SLC1A7: variants seen among roughly 807,000 people sequenced by gnomAD.
SLC1A7 encodes solute carrier family 1 member 7.
Under a neutral mutation model 47.7 loss-of-function variants are expected in SLC1A7, and 40 were observed. The ratio of observed to expected loss-of-function variants is 0.84; its 90% CI spans 0.65 to 1.09. The LOEUF is 1.09. Among genes scored for constraint, SLC1A7 ranks in the 50% least tolerant of loss-of-function variants. The pLI, the probability that SLC1A7 is intolerant of heterozygous loss-of-function variation, is 0.00. For synonymous variants in SLC1A7, 323 were observed against 325.6 expected, an observed-to-expected ratio of 0.99 and a Z score of 0.09; for missense variants, 746 against 769.5, an observed-to-expected ratio of 0.97 and a Z score of 0.36.
intron 2 of SLC1A7, among the ~76,000 whole-genome samples, chr1:53,122,732 AC>A (rs1442229222): frequency 6.6e-6 from 1 of 152,064 alleles, no homozygotes; most frequent in Non-Finnish European, 1.5e-5. Context: ...ATCTCAGAGG[AC>A]AGAGCACTCA....
In SLC1A7 at chr1:53,090,419, G is replaced by A. The variant is rs909469940; in HGVS notation, c.1226+193C>T. On this transcript the variant is annotated intron_variant, in intron 8 of 10. Coordinates refer to ENST00000371494, the MANE Select transcript of SLC1A7 (RefSeq NM_006671.6). ...TGAGTCCTGTCCCTGGCCTCCGCTC[G>A]CCCTGTGGCCACCAGCAATGCCCTC... 122 of 885,562 alleles carry A rather than the reference G, an allele frequency of 1.4e-4. No individual in the cohort carries two copies. The South Asian group carries it at 1.5e-3, about 11-fold the overall frequency. 54.9% of individuals were successfully genotyped at this position (885,562 alleles called of 1,614,324 possible). A position where few individuals can be genotyped will look rare whatever the true frequency, so the allele number is the denominator to read the frequency against.
intron 3 of SLC1A7, among the ~76,000 whole-genome samples, chr1:53,106,621 G>A (rs1644645592): frequency 6.7e-6 from 1 of 149,438 alleles, no homozygotes. Flanking sequence ...AAAAGTAACT[G>A]TCAAACTGTG....
chr1:53,088,300 G>T, intron 10 of SLC1A7, 73 bp from the exon 11 acceptor site: 3 of 1,271,710 alleles, frequency 2.4e-6, no homozygotes, highest in Non-Finnish European at 3.3e-6. Flanking sequence ...CTGAGGGCCA[G>T]TGGGGCAGAA....
chr1:53,132,831 G>T (rs1342120267), intron 2 of SLC1A7, among the ~76,000 whole-genome samples: 1 of 152,182 alleles, frequency 6.6e-6, no homozygotes, highest in Non-Finnish European at 1.5e-5. Context: ...GGGCGACAGG[G>T]CAAGATCCTA....
At chr1:53,135,580 T>C (rs150791130) in intron 1 of SLC1A7, among the ~76,000 whole-genome samples, 4 of 152,104 alleles carry the variant, frequency 2.6e-5, no homozygotes, top group Admixed American at 2.6e-4. Flanking sequence ...ATAAGCTGTC[T>C]CGCAAGTAAC....
intron 3 of SLC1A7, among the ~76,000 whole-genome samples, chr1:53,113,416 A>T (rs372094967): frequency 4.0e-5 from 6 of 151,814 alleles, no homozygotes; most frequent in African/African-American, 1.5e-4. Flanking sequence ...GTTGACACCT[A>T]CCCCAGGATG....
chr1:53,093,305 G>A (rs1046884281), intron 6 of SLC1A7, among the ~76,000 whole-genome samples, 156 bp downstream of exon 6: 1 of 152,084 alleles, frequency 6.6e-6, no homozygotes, highest in Non-Finnish European at 1.5e-5. Flanking sequence ...GGGGCTGGGG[G>A]ACCCATGGAA....
At chr1:53,090,923 C>G (rs1249507109) in intron 7 of SLC1A7, 117 bp from the exon 8 acceptor site, 3 of 1,541,596 alleles carry the variant, frequency 1.9e-6, no homozygotes. Flanking sequence ...TGTGCCTCTG[C>G]AGCGCTGCTC....
intron 5 of SLC1A7, among the ~76,000 whole-genome samples, chr1:53,098,502 TCAAA>T (rs942275687): frequency 6.9e-6 from 1 of 144,138 alleles, no homozygotes; most frequent in African/African-American, 2.6e-5. Context: ...CTTGTTACAC[TCAAA>T]CTGCCTCAGA....
At chr1:53,091,987 G>A (rs1224631284) in intron 7 of SLC1A7, among the ~76,000 whole-genome samples, 1 of 152,210 alleles carries the variant, frequency 6.6e-6, no homozygotes, top group Non-Finnish European at 1.5e-5. Context: ...GGCCCAGCCT[G>A]GCAAGGAGGG....
intron 5 of SLC1A7, among the ~76,000 whole-genome samples, chr1:53,095,158 G>C (rs1376869399): frequency 1.3e-5 from 2 of 150,354 alleles, no homozygotes; most frequent in African/African-American, 4.9e-5. Flanking sequence ...ACCCAGACAT[G>C]AGCACAGGCA....
chr1:53,122,971 C>G (rs376370470), intron 2 of SLC1A7, among the ~76,000 whole-genome samples: 3 of 152,030 alleles, frequency 2.0e-5, no homozygotes, highest in Admixed American at 6.6e-5. Context: ...TGCTGCTACC[C>G]TGGCATGCCC....
chr1:53,093,604 C>A (rs1295172994), intron 5 of SLC1A7, 44 bp from the exon 6 acceptor site: 1 of 1,465,732 alleles, frequency 6.8e-7, no homozygotes, highest in Non-Finnish European at 9.3e-7. Context: ...AGGGACAGAC[C>A]CACAGGCCCA....
chr1:53,115,104 A>G, intron 2 of SLC1A7, 131 bp from the exon 3 acceptor site: 1 of 694,666 alleles, frequency 1.4e-6, no homozygotes, highest in Non-Finnish European at 2.5e-6. Flanking sequence ...TCTTCCAACA[A>G]TCCAGTCCTG....
intron 2 of SLC1A7, among the ~76,000 whole-genome samples, chr1:53,131,810 A>G (rs796634124): frequency 1.3e-5 from 2 of 152,344 alleles, no homozygotes; most frequent in South Asian, 2.1e-4. Context: ...CCAGTGGATA[A>G]AGAAACCAGT....
chr1:53,121,371 C>T (rs1644823919), intron 2 of SLC1A7, among the ~76,000 whole-genome samples: 1 of 152,208 alleles, frequency 6.6e-6, no homozygotes, highest in African/African-American at 2.4e-5. Context: ...AGGGGAATGC[C>T]CACGGTGTTG....
chr1:53,102,391 G>A (rs750150320), intron 5 of SLC1A7: 1 of 152,386 alleles, frequency 6.6e-6, no homozygotes, highest in Non-Finnish European at 1.5e-5. Context: ...CCTTGCAATC[G>A]AGTCTAGTGC....
chr1:53,141,224 T>A (rs1172417348), intron 1 of SLC1A7, among the ~76,000 whole-genome samples: 1 of 151,960 alleles, frequency 6.6e-6, no homozygotes, highest in Non-Finnish European at 1.5e-5. Flanking sequence ...TGGATCAAAT[T>A]CCTCATCCCA....
intron 1 of SLC1A7, among the ~76,000 whole-genome samples, chr1:53,139,881 T>G (rs1645039416): frequency 6.6e-6 from 1 of 152,218 alleles, no homozygotes; most frequent in African/African-American, 2.4e-5. Context: ...GATACACCTG[T>G]GATTCACCAT....
Sources: gnomAD v4.1 joint callset for allele counts (sites outside exome capture counted in the v4.1 genomes callset) on GRCh38, gnomAD v4.1.1 for gene constraint, MANE v1.5 for transcripts, NCBI Gene and HGNC (gene_info 2026-07-23, HGNC 2026-07-21) for gene names.